Variants in ZNF227 observed in about 807,000 individuals in gnomAD.
ZNF227 encodes the protein zinc finger protein 227.
In ZNF227, 12 loss-of-function variants were observed where a neutral mutation model predicts 13.2. The ratio of observed to expected loss-of-function variants is 0.91; its 90% confidence interval spans 0.58 to 1.47. The LOEUF is 1.47. ZNF227 is among the 40% of genes most tolerant of loss of function. The pLI, the probability that ZNF227 is intolerant of heterozygous loss-of-function variation, is 0.00. For synonymous variants in ZNF227, 338 were observed against 326.0 expected (o/e 1.04, Z -0.40); for missense variants, 885 against 967.5 (o/e 0.91, Z 1.13).
At chr19:44,231,135 G>T (rs1371851197) in intron 5 of ZNF227, among the ~76,000 whole-genome samples, 2 of 149,068 alleles carry the variant, frequency 1.3e-5, no homozygotes, top group East Asian at 2.0e-4. Context: ...TTTTGAGACC[G>T]AGTCTTGCTT....
chr19:44,236,238 C>T lies in ZNF227; in HGVS notation c.1808C>T (p.Pro603Leu). 1 of 1,613,982 alleles carries T rather than the reference C, an allele frequency of 6.2e-7. No individual in the cohort carries two copies. The change falls in exon 6 of 6, where the codon CCC becomes CTC. Residue 603 changes from proline to leucine, a missense_variant. Physicochemically the swap from Pro to Leu is moderately conservative, Grantham distance 98. Coordinates refer to ENST00000313040, the MANE Select transcript of ZNF227 (RefSeq NM_182490.3). ...CAAAGAGTTCACTCAGGAGAAAAACCCTATAAATGTGAGCAGTGTGATAAG... is the reference window on the plus strand; with the variant it reads ...CAAAGAGTTCACTCAGGAGAAAAACTCTATAAATGTGAGCAGTGTGATAAG... ...AHQRVHSGEK[P>L]YKCEQCDKSF...
rs896294873 is a variant in ZNF227, at chr19:44,235,320, A to G, written c.890A>G (p.Asn297Ser). 20 of 1,614,100 alleles carry G rather than the reference A, an allele frequency of 1.2e-5. No individual in the cohort carries two copies. In the Middle Eastern group the frequency reaches 4.9e-4, roughly 40 times the overall value. Residue 297 changes from asparagine (N) to serine (S), a missense_variant, in exon 6 of 6, where the codon AAT becomes AGT. Transcript: ENST00000313040. Reference protein sequence around the residue: ...HQRIHPGEKLNRCHESGDCFN... With the variant: ...HQRIHPGEKLSRCHESGDCFN... ...AGAATTCACCCAGGAGAGAAACTCAATAGATGTCATGAATCTGGTGATTGC... is the reference window on the plus strand; with the variant it reads ...AGAATTCACCCAGGAGAGAAACTCAGTAGATGTCATGAATCTGGTGATTGC...
intron 4 of ZNF227, chr19:44,228,829 C>T (rs1468071765): frequency 1.1e-5 from 5 of 455,296 alleles, no homozygotes; most frequent in Non-Finnish European, 1.5e-5. Flanking sequence ...ATGGTTGTCA[C>T]ACCTGACAGA....
At chr19:44,212,361 G>T (rs550736438), upstream of ZNF227, among the ~76,000 whole-genome samples, 1 of 141,178 alleles carries the variant, frequency 7.1e-6, no homozygotes, top group African/African-American at 2.7e-5. Context: ...TCACTCGCTC[G>T]CTCCGTTTTT....
At chr19:44,221,342 C>T (rs1439323229) in intron 3 of ZNF227, among the ~76,000 whole-genome samples, 1 of 152,220 alleles carries the variant, frequency 6.6e-6, no homozygotes, top group Non-Finnish European at 1.5e-5. Flanking sequence ...GCCACACTGA[C>T]TTCCACAATG....
intron 5 of ZNF227, among the ~76,000 whole-genome samples, chr19:44,232,986 G>T (rs1001883938): frequency 4.0e-5 from 6 of 151,858 alleles, no homozygotes; most frequent in Non-Finnish European, 5.9e-5. Flanking sequence ...ATTCCTTTTT[G>T]CCATGTACAT....
chr19:44,210,127 T>A (rs1418967117), upstream of ZNF227, among the ~76,000 whole-genome samples: 3 of 152,228 alleles, frequency 2.0e-5, no homozygotes, highest in African/African-American at 7.2e-5. Flanking sequence ...ATAATGTCAA[T>A]ATTAGTGACT....
At chr19:44,215,116 T>C (rs955057842) in intron 2 of ZNF227, among the ~76,000 whole-genome samples, 1 of 151,170 alleles carries the variant, frequency 6.6e-6, no homozygotes, top group Admixed American at 6.6e-5. Flanking sequence ...TGGTCCCTGG[T>C]GCCAAAAAGG....
rs537623982 is a variant in ZNF227, at chr19:44,236,667, G to T, written c.2237G>T (p.Cys746Phe). 2.9e-5 allele frequency: 47 copies of T among 1,613,946 alleles called. No individual in the cohort carries two copies. In the South Asian group the frequency reaches 5.2e-4, roughly 18 times the overall value. The change falls in exon 6 of 6, where the codon TGT (cysteine) becomes TTT (phenylalanine). Residue 746 changes from cysteine (C) to phenylalanine (F), a missense_variant. By Grantham distance (205) the Cys-to-Phe change is radical (BLOSUM62 -2). Coordinates refer to ENST00000313040, the MANE Select transcript of ZNF227 (RefSeq NM_182490.3). Reference sequence around the variant, plus strand: ...CACACCAGGGAAAAACTCTTTAAATGTGAAGAGTGTGGTAAAGGCTTCAGT... The same window carrying T: ...CACACCAGGGAAAAACTCTTTAAATTTGAAGAGTGTGGTAAAGGCTTCAGT... ...GVHTREKLFK[C>F]EECGKGFSQS... is the part of the protein sequence containing the mutation.
At chr19:44,230,684 C>A (rs544669616) in intron 5 of ZNF227, among the ~76,000 whole-genome samples, 3 of 151,970 alleles carry the variant, frequency 2.0e-5, no homozygotes, top group Admixed American at 6.6e-5. Flanking sequence ...ATTTAAAATA[C>A]CATCTTCCTT....
intron 4 of ZNF227, 73 bp from the exon 5 acceptor site, chr19:44,229,660 T>G: frequency 2.1e-6 from 2 of 974,714 alleles, no homozygotes; most frequent in Non-Finnish European, 3.0e-6. Context: ...GTTGTGAGGC[T>G]TATAGGGTTC....
chr19:44,237,216 A>C lies in ZNF227; in HGVS notation c.*386A>C, dbSNP rs1217679793. The C allele has an allele frequency of 6.0e-6, 1 of 166,570 alleles. No individual in the cohort carries two copies. The highest frequency in any genetic ancestry group is 5.9e-5 in the Admixed American group (1 of 16,924). 10.3% of individuals were successfully genotyped at this position (166,570 alleles called of 1,614,324 possible). On this transcript the variant is annotated 3_prime_UTR_variant, in exon 6 of 6. Transcript: ENST00000313040. The stretch of plus-strand genomic sequence containing the variant: ...TATACTTACAGTGATCATTATTTTC[A>C]TAAAAGCTGTAAAGCTATGAAAAAT...
chr19:44,210,503 C>A (rs537566404), upstream of ZNF227, among the ~76,000 whole-genome samples: 1 of 152,320 alleles, frequency 6.6e-6, no homozygotes, highest in East Asian at 1.9e-4. Flanking sequence ...AGCTACTACA[C>A]ACTACTTTTA....
intron 5 of ZNF227, among the ~76,000 whole-genome samples, chr19:44,230,926 A>AAAAAAAAAAT (rs1555792168): frequency 1.0e-4 from 7 of 68,114 alleles, no homozygotes; most frequent in African/African-American, 2.9e-4. Flanking sequence ...AAAAAAAAAA[A>AAAAAAAAAAT]ATATATATAT....
intron 2 of ZNF227, among the ~76,000 whole-genome samples, chr19:44,215,186 G>A (rs866589853): frequency 2.6e-5 from 2 of 77,724 alleles, no homozygotes; most frequent in Non-Finnish European, 5.8e-5. Context: ...TTTTTTTTTT[G>A]AAACGGAGTC....
intron 5 of ZNF227, among the ~76,000 whole-genome samples, chr19:44,230,920 AAAAAAAATATATATATATATAT>A: frequency 8.9e-6 from 1 of 111,828 alleles, no homozygotes; most frequent in South Asian, 2.4e-4. Flanking sequence ...AAAAAAAAAA[AAAAAAAATATATATATATATAT>A]ATATATATAT....
Position 44,235,541 on chromosome 19 carries a change from CAG to C in ZNF227, c.1116_1117del (p.Arg372SerfsTer4), listed in dbSNP as rs1258922649. The C allele has an allele frequency of 9.3e-6, 15 of 1,614,138 alleles. No homozygotes were observed. The highest frequency in any genetic ancestry group is 1.3e-5 in the African/African-American group (1 of 75,014). ...TCAAAGTTCAAATTTTCAGTGCCAT[CAG>C]AGAGTCCACACTGAAGAAAAACCAT... is the stretch of plus-strand genomic sequence containing the variant. ...FSQSSNFQCH[Q>X]RVHTEEKPYK... On this transcript the variant is annotated frameshift_variant, in exon 6 of 6. Transcript: ENST00000313040. LOFTEE classifies it low-confidence loss of function (END_TRUNC).
In ZNF227 at chr19:44,213,131, C is replaced by T. The variant is rs1351578249; in HGVS notation, c.-116C>T. The T allele has an allele frequency of 6.6e-6, 1 of 151,870 alleles. No homozygotes were observed. The highest frequency in any genetic ancestry group is 1.5e-5 in the Non-Finnish European group (1 of 67,988). 9.4% of individuals were successfully genotyped at this position (151,870 alleles called of 1,614,324 possible). On this transcript the variant is annotated 5_prime_UTR_variant, in exon 2 of 6. Coordinates refer to ENST00000313040, the MANE Select transcript of ZNF227 (RefSeq NM_182490.3). ...TCCAATGCGTGGGGATGTTTACCGC[C>T]GTTTATCCGGGATAGAGACTCCATC... is the stretch of plus-strand genomic sequence containing the variant.
Position 44,219,759 on chromosome 19 carries a change from TTTTA to T in ZNF227, c.60+1934_60+1937del, listed in dbSNP as rs370761338. Among the ~76,000 whole-genome samples the T allele has an allele frequency of 4.6e-3, 686 of 149,426 alleles. 5 individuals carry two copies. Among genetic ancestry groups the T allele is most frequent in the Admixed American group, 0.017 (257 of 14,924 alleles). On this transcript the variant is annotated intron_variant, in intron 3 of 5. Transcript: ENST00000313040. ...CTTTTTTTTTTGGATGTTGATTTTC[TTTTA>T]TTTATTTATTTATTTATTTATTTAT...
Sources: allele counts gnomAD v4.1 joint callset (sites outside exome capture counted in the v4.1 genomes callset), GRCh38; gene constraint gnomAD v4.1.1; transcripts MANE v1.5; gene names NCBI Gene and HGNC (gene_info 2026-07-23, HGNC 2026-07-21).